CDH13: variants seen among roughly 807,000 people sequenced by gnomAD.
CDH13 encodes cadherin-13.
CDH13 carries 24 observed loss-of-function variants against 63.8 expected under a neutral mutation model. That is an observed-to-expected ratio of 0.38 (90% CI 0.27 to 0.53). CDH13 has a LOEUF of 0.53. CDH13 is among the 20% of genes least tolerant of loss of function. The probability of loss-of-function intolerance (pLI) is 0.85; values close to 1 mark genes in which losing one functional copy is unlikely to be tolerated. For synonymous variants in CDH13, 503 were observed against 355.3 expected, an observed-to-expected ratio of 1.42 and a Z score of -4.67; for missense variants, 1,049 against 903.1, an observed-to-expected ratio of 1.16 and a Z score of -2.07.
chr16:83,422,747 C>A (rs746092409), intron 6 of CDH13, among the ~76,000 whole-genome samples: 1 of 152,086 alleles, frequency 6.6e-6, no homozygotes, highest in Non-Finnish European at 1.5e-5. Flanking sequence ...TTGAGATTAC[C>A]CAAAGTTGCC....
intron 10 of CDH13, among the ~76,000 whole-genome samples, chr16:83,731,732 TC>T (rs1198371300): frequency 3.3e-5 from 5 of 152,220 alleles, no homozygotes; most frequent in African/African-American, 1.2e-4. Context: ...CTAGGTTTTT[TC>T]CAGCTGGATT....
In CDH13 at chr16:83,190,739, A is replaced by G. The variant is rs1185970827; in HGVS notation, c.484-26606A>G. On this transcript the variant is annotated intron_variant, in intron 4 of 13. Coordinates refer to ENST00000567109, the MANE Select transcript of CDH13 (RefSeq NM_001257.5). ...TTTTCCAAGGCAGTAAAATGTGAAG[A>G]TTGCAATTAGTTAACCATTATGAAG... 1.6e-4 allele frequency among the ~76,000 whole-genome samples: 24 copies of G among 152,190 alleles called. 1 individual carries two copies. The highest frequency in any genetic ancestry group is 3.5e-4 in the Non-Finnish European group (24 of 68,036).
intron 5 of CDH13, among the ~76,000 whole-genome samples, chr16:83,295,703 A>T (rs1225020441): frequency 6.6e-6 from 1 of 152,224 alleles, no homozygotes; most frequent in Non-Finnish European, 1.5e-5. Context: ...AGAAATGAGG[A>T]ACCCTTGCCC....
At chr16:83,018,999 A>G (rs150921756) in intron 2 of CDH13, among the ~76,000 whole-genome samples, 1 of 152,218 alleles carries the variant, frequency 6.6e-6, no homozygotes, top group Non-Finnish European at 1.5e-5. Flanking sequence ...AAGGCCTAGG[A>G]CATTACTGTG....
At position 83,722,772 on chromosome 16, in the gene CDH13, G is replaced by C. The variant is rs148728577; in HGVS notation, c.1539-25336G>C. Among the ~76,000 whole-genome samples the C allele has an allele frequency of 3.2e-3, 484 of 152,276 alleles. 1 individual carries two copies. Among genetic ancestry groups the C allele is most frequent in the African/African-American group, 0.011 (447 of 41,558 alleles). On this transcript the variant is annotated intron_variant, in intron 10 of 13. Coordinates refer to ENST00000567109, the MANE Select transcript of CDH13 (RefSeq NM_001257.5). The stretch of plus-strand genomic sequence containing the variant: ...GCTGAGCTATTTGGAAACCAGGCTG[G>C]GGGGGTGGATTTCAATGTCATCTTA...
intron 5 of CDH13, among the ~76,000 whole-genome samples, chr16:83,237,954 G>A (rs975395408): frequency 1.2e-4 from 19 of 152,172 alleles, no homozygotes; most frequent in African/African-American, 4.3e-4. Flanking sequence ...CTATGCTCAC[G>A]TCACATAGCC....
At chr16:83,621,504 T>TTTTTTTTTTTG (rs1909813489) in intron 8 of CDH13, among the ~76,000 whole-genome samples, 2 of 134,022 alleles carry the variant, frequency 1.5e-5, no homozygotes, top group Non-Finnish European at 3.2e-5. Context: ...TTTTTTTTTT[T>TTTTTTTTTTTG]GAGATGGAGT....
chr16:82,630,314 G>C (rs1005669121), intron 1 of CDH13, among the ~76,000 whole-genome samples: 6 of 152,174 alleles, frequency 3.9e-5, no homozygotes, highest in Non-Finnish European at 7.3e-5. Context: ...GTCAGTGATA[G>C]AGTTCACCTG....
chr16:82,672,229 A>G (rs1913336894), intron 1 of CDH13, among the ~76,000 whole-genome samples: 1 of 152,218 alleles, frequency 6.6e-6, no homozygotes, highest in Non-Finnish European at 1.5e-5. Flanking sequence ...AACAATAACT[A>G]TCTCATGGGG....
intron 12 of CDH13, among the ~76,000 whole-genome samples, chr16:83,780,702 T>C (rs559925812): frequency 7.3e-4 from 111 of 152,310 alleles, no homozygotes; most frequent in Non-Finnish European, 1.5e-3. Flanking sequence ...CCTCTTTCTC[T>C]TCCTTTTTTC....
chr16:83,150,391 C>G (rs912493745), intron 4 of CDH13, among the ~76,000 whole-genome samples: 8 of 152,172 alleles, frequency 5.3e-5, no homozygotes, highest in African/African-American at 1.9e-4. Flanking sequence ...CCCTTGCTAT[C>G]ATTATCTCTG....
At chr16:83,374,136 A>G (rs2091421028) in intron 6 of CDH13, among the ~76,000 whole-genome samples, 1 of 152,230 alleles carries the variant, frequency 6.6e-6, no homozygotes, top group African/African-American at 2.4e-5. Context: ...TGTTCCATAA[A>G]GCAAAGACTG....
At chr16:82,868,408 C>T (rs1055439017) in intron 2 of CDH13, among the ~76,000 whole-genome samples, 4 of 152,240 alleles carry the variant, frequency 2.6e-5, no homozygotes, top group African/African-American at 9.6e-5. Flanking sequence ...AATGCATTAT[C>T]CTACCTAACA....
intron 3 of CDH13, among the ~76,000 whole-genome samples, chr16:83,068,641 C>T (rs1437412283): frequency 6.6e-6 from 1 of 152,172 alleles, no homozygotes; most frequent in East Asian, 1.9e-4. Context: ...TACTGGCCTC[C>T]ATGGTCTTCA....
chr16:82,972,012 C>G (rs532452891), intron 2 of CDH13, among the ~76,000 whole-genome samples: 2 of 152,306 alleles, frequency 1.3e-5, no homozygotes, highest in African/African-American at 4.8e-5. Context: ...CTGCCATAAG[C>G]TTATTTGTAT....
Position 83,482,710 on chromosome 16 carries a change from G to C in CDH13, c.782-3767G>C, listed in dbSNP as rs147005988. ...AAAGCCTGGTCTTAGAGGCCGACTA[G>C]AGGACCACGTGGAGACATGGTGTAG... On this transcript the variant is annotated intron_variant, in intron 6 of 13. Coordinates refer to ENST00000567109, the MANE Select transcript of CDH13 (RefSeq NM_001257.5). Among the ~76,000 whole-genome samples the C allele has an allele frequency of 1.7e-3, 266 of 152,320 alleles. 1 individual carries two copies. Among genetic ancestry groups the C allele is most frequent in the Middle Eastern group, 6.8e-3 (2 of 294 alleles).
intron 8 of CDH13, among the ~76,000 whole-genome samples, chr16:83,663,032 C>G (rs986993822): frequency 6.6e-6 from 1 of 152,216 alleles, no homozygotes; most frequent in Non-Finnish European, 1.5e-5. Flanking sequence ...TATTGGATTT[C>G]TCTGATAATT....
rs553500026 is a variant in CDH13, at chr16:83,169,419, C to A, written c.483+43918C>A. On this transcript the variant is annotated intron_variant, in intron 4 of 13. Transcript: ENST00000567109. ...CTTGATGTCTTGACCTCATAATCTG[C>A]CTGCCTCGGCTTCCCGAAGTGCTGG... Among the ~76,000 whole-genome samples the A allele has an allele frequency of 4.6e-5, 7 of 152,202 alleles. 1 individual carries two copies. The highest frequency in any genetic ancestry group is 1.7e-4 in the African/African-American group (7 of 41,552).
intron 11 of CDH13, among the ~76,000 whole-genome samples, chr16:83,767,291 G>T (rs1458669719): frequency 6.6e-6 from 1 of 152,108 alleles, no homozygotes; most frequent in African/African-American, 2.4e-5. Flanking sequence ...TGTCGAGGGT[G>T]GGGCCATCTA....
Sources: gnomAD v4.1 joint callset for allele counts (sites outside exome capture counted in the v4.1 genomes callset) on GRCh38, gnomAD v4.1.1 for gene constraint, MANE v1.5 for transcripts, NCBI Gene and HGNC (gene_info 2026-07-23, HGNC 2026-07-21) for gene names.